Variants in RNGTT observed in about 807,000 individuals in gnomAD.
RNGTT encodes mRNA-capping enzyme.
RNGTT carries 33 observed loss-of-function variants against 79.3 expected under a neutral mutation model. The observed-to-expected ratio is 0.42, with a 90% CI of 0.32 to 0.56. The LOEUF is 0.56. Among genes scored for constraint, RNGTT ranks in the 20% least tolerant of loss-of-function variants. The probability of loss-of-function intolerance (pLI) is 0.17; values close to 1 mark genes in which losing one functional copy is unlikely to be tolerated. For synonymous variants in RNGTT, 222 were observed against 235.9 expected (o/e 0.94, Z 0.54); for missense variants, 497 against 739.1 (o/e 0.67, Z 3.80).
intron 11 of RNGTT, among the ~76,000 whole-genome samples, chr6:88,826,068 T>C (rs1780646739): frequency 6.6e-6 from 1 of 152,242 alleles, no homozygotes; most frequent in South Asian, 2.1e-4. Flanking sequence ...CACGTTCACA[T>C]GTCTGAAAAC....
intron 8 of RNGTT, among the ~76,000 whole-genome samples, chr6:88,864,447 A>G (rs1282470599): frequency 6.6e-6 from 1 of 152,258 alleles, no homozygotes; most frequent in South Asian, 2.1e-4. Flanking sequence ...AGGGGTGAAG[A>G]TATCTGTAGG....
intron 2 of RNGTT, among the ~76,000 whole-genome samples, chr6:88,940,623 G>A (rs1582156392): frequency 6.6e-6 from 1 of 152,166 alleles, no homozygotes; most frequent in African/African-American, 2.4e-5. Context: ...CTCTTAAATG[G>A]AAAAACTACA....
chr6:88,615,445 T>C (rs1000238422), intron 14 of RNGTT, among the ~76,000 whole-genome samples: 1 of 152,196 alleles, frequency 6.6e-6, no homozygotes, highest in Non-Finnish European at 1.5e-5. Context: ...CATCTGCATT[T>C]TCAACAAATC....
intron 10 of RNGTT, among the ~76,000 whole-genome samples, chr6:88,847,221 C>T (rs958439628): frequency 3.9e-5 from 6 of 151,994 alleles, no homozygotes; most frequent in African/African-American, 1.2e-4. Flanking sequence ...AAACGCTGTG[C>T]AAATGGCCTT....
Position 88,878,205 on chromosome 6 carries a change from C to T in RNGTT, c.896+12290G>A, listed in dbSNP as rs926453367. 2.0e-5 allele frequency among the ~76,000 whole-genome samples: 3 copies of T among 152,022 alleles called. No individual in the cohort carries two copies. The South Asian group carries it at 6.2e-4, about 32-fold the overall frequency. On this transcript the variant is annotated intron_variant, in intron 8 of 15. Coordinates refer to ENST00000369485, the MANE Select transcript of RNGTT (RefSeq NM_003800.5). ...CCGCCTCCCGGGTCCAAACGTTTCT[C>T]GTGTCTCAGCCTCCCAGGTAGCTAG...
rs79962889 is a variant in RNGTT at position 88,862,290 on chromosome 6, C to T, written c.897-8526G>A. Among the ~76,000 whole-genome samples the T allele has an allele frequency of 3.8e-3, 580 of 152,184 alleles. 5 individuals carry two copies. Among genetic ancestry groups the T allele is most frequent in the African/African-American group, 0.013 (559 of 41,508 alleles). ...ACCCCACATCTTCTAGGAAGGAGAA[C>T]GGGCTGAAGATTAAGTTGATCACCA... is the stretch of plus-strand genomic sequence containing the variant. On this transcript the variant is annotated intron_variant, in intron 8 of 15. Transcript: ENST00000369485.
At chr6:88,762,118 A>G (rs1349960408) in intron 13 of RNGTT, among the ~76,000 whole-genome samples, 1 of 152,196 alleles carries the variant, frequency 6.6e-6, no homozygotes, top group Non-Finnish European at 1.5e-5. Flanking sequence ...AGCTTAGGGT[A>G]ATCAGGTGAT....
chr6:88,693,529 C>G (rs1412875525), intron 13 of RNGTT, among the ~76,000 whole-genome samples: 2 of 141,452 alleles, frequency 1.4e-5, no homozygotes, highest in Non-Finnish European at 3.0e-5. Context: ...TGATTTTGAC[C>G]AAACATTTAA....
At chr6:88,676,214 G>A (rs1300693196) in intron 14 of RNGTT, among the ~76,000 whole-genome samples, 1 of 152,078 alleles carries the variant, frequency 6.6e-6, no homozygotes, top group Non-Finnish European at 1.5e-5. Context: ...TAAACACATA[G>A]GTCAATGGAA....
intron 14 of RNGTT, among the ~76,000 whole-genome samples, chr6:88,666,625 G>A (rs1447415337): frequency 2.0e-5 from 3 of 152,238 alleles, no homozygotes; most frequent in Non-Finnish European, 4.4e-5. Context: ...ACATAACTGT[G>A]TAGAGGTGTT....
intron 1 of RNGTT, among the ~76,000 whole-genome samples, chr6:88,962,666 G>C (rs1692142391): frequency 6.6e-6 from 1 of 152,180 alleles, no homozygotes; most frequent in Non-Finnish European, 1.5e-5. Context: ...AGCTACTTGG[G>C]AGGCTGAGGC....
chr6:88,790,982 A>T (rs1779387431), intron 12 of RNGTT, among the ~76,000 whole-genome samples: 1 of 152,102 alleles, frequency 6.6e-6, no homozygotes, highest in Non-Finnish European at 1.5e-5. Flanking sequence ...TTAAGCTATA[A>T]CTTTGGTGGG....
rs542185763 is a variant in RNGTT, at chr6:88,712,374, T to C, written c.1440-33955A>G. On this transcript the variant is annotated intron_variant, in intron 13 of 15. Coordinates refer to ENST00000369485, the MANE Select transcript of RNGTT (RefSeq NM_003800.5). ...AGACTGGAATGCAGTGGTGTGATCATAGCTCACTGCAGCTTTGAATTCCTG... is the reference window on the plus strand; with the variant it reads ...AGACTGGAATGCAGTGGTGTGATCACAGCTCACTGCAGCTTTGAATTCCTG... Among the ~76,000 whole-genome samples the C allele has an allele frequency of 2.4e-4, 37 of 152,340 alleles. No homozygotes were observed. The East Asian group carries it at 6.6e-3, about 27-fold the overall frequency.
In RNGTT at chr6:88,675,093, G is replaced by A. The variant is rs543911218; in HGVS notation, c.1506+3260C>T. Among the ~76,000 whole-genome samples the A allele has an allele frequency of 2.2e-3, 299 of 135,326 alleles. 4 individuals are homozygous for A. The highest frequency in any genetic ancestry group is 9.7e-3 in the African/African-American group (290 of 29,850). 88.8% of individuals were successfully genotyped at this position (135,326 alleles called of 152,430 possible). On this transcript the variant is annotated intron_variant, in intron 14 of 15. Transcript: ENST00000369485. ...AGCCTGGGTGACAGAGTGAGACTCCGTCTCAGAAGAAAAAAAAAAAAAAAA... is the reference window on the plus strand; with the variant it reads ...AGCCTGGGTGACAGAGTGAGACTCCATCTCAGAAGAAAAAAAAAAAAAAAA...
At chr6:88,746,998 A>C (rs1414274360) in intron 13 of RNGTT, among the ~76,000 whole-genome samples, 1 of 152,174 alleles carries the variant, frequency 6.6e-6, no homozygotes, top group Non-Finnish European at 1.5e-5. Flanking sequence ...ACCCTGTGGT[A>C]CTTTCTCCTA....
chr6:88,963,516 A>G lies in RNGTT; in HGVS notation c.-107T>C, dbSNP rs1785722831. 7 of 1,086,546 alleles carry G rather than the reference A, an allele frequency of 6.4e-6. No homozygotes were observed. The highest frequency in any genetic ancestry group is 6.3e-5 in the Admixed American group (2 of 31,958). 67.3% of individuals were successfully genotyped at this position (1,086,546 alleles called of 1,614,324 possible). A position where few individuals can be genotyped will look rare whatever the true frequency, so the allele number is the denominator to read the frequency against. The stretch of plus-strand genomic sequence containing the variant: ...CCGGGGTCCGAGACACCCGAATCGC[A>G]GCCGTAATCTGAATTCCAACCTCTC... On this transcript the variant is annotated 5_prime_UTR_variant, in exon 1 of 16. Coordinates refer to ENST00000369485, the MANE Select transcript of RNGTT (RefSeq NM_003800.5).
Position 88,829,292 on chromosome 6 carries a change from G to A in RNGTT, c.1269+15065C>T, listed in dbSNP as rs562411561. Among the ~76,000 whole-genome samples the A allele has an allele frequency of 3.4e-4, 51 of 152,210 alleles. 1 individual carries two copies. The East Asian group carries it at 8.9e-3, about 27-fold the overall frequency. ...AGCCAACTAAGCTTCATAAGCGAAG[G>A]AGAAATAAAATCCTTTACAGACAAG... On this transcript the variant is annotated intron_variant, in intron 11 of 15. Coordinates refer to ENST00000369485, the MANE Select transcript of RNGTT (RefSeq NM_003800.5).
intron 12 of RNGTT, among the ~76,000 whole-genome samples, chr6:88,787,648 A>G (rs969197346): frequency 6.7e-6 from 1 of 149,670 alleles, no homozygotes; most frequent in African/African-American, 2.5e-5. Flanking sequence ...AACAAGAGTG[A>G]AACTTCATTT....
chr6:88,846,108 T>A (rs1338386287), intron 10 of RNGTT, among the ~76,000 whole-genome samples: 1 of 152,162 alleles, frequency 6.6e-6, no homozygotes, highest in East Asian at 1.9e-4. Flanking sequence ...AAGAATAGAC[T>A]GAAAGCAAGT....
Sources: allele counts gnomAD v4.1 joint callset (sites outside exome capture counted in the v4.1 genomes callset), GRCh38; gene constraint gnomAD v4.1.1; transcripts MANE v1.5; gene names NCBI Gene and HGNC (gene_info 2026-07-23, HGNC 2026-07-21).